Variants in WNT5A observed in about 807,000 individuals in gnomAD.
The protein encoded by WNT5A is protein Wnt-5a.
In WNT5A, 9 loss-of-function variants were observed where a neutral mutation model predicts 42.1. The observed-to-expected ratio is 0.21, with a 90% CI of 0.13 to 0.37. The LOEUF (loss-of-function observed/expected upper bound fraction) is 0.37, where lower values mean the gene tolerates loss of function less well. WNT5A is among the 10% of genes least tolerant of loss of function. WNT5A has a pLI of 1.00. For missense variants in WNT5A, 426 were observed against 534.0 expected, an observed-to-expected ratio of 0.80 and a Z score of 1.99; for synonymous variants, 210 against 210.0, an observed-to-expected ratio of 1.00 and a Z score of 0.00.
At chr3:55,503,548 A>C in the WNT5A span, among the ~76,000 whole-genome samples, 15 of 152,218 alleles carry the variant, frequency 9.9e-5, no homozygotes, top group Admixed American at 9.8e-4. Flanking sequence ...CACAAGGGTG[A>C]AGTTGGCCAG....
At chr3:55,470,619 G>C in intron 4 of WNT5A, 69 bp from the exon 5 acceptor site, 1 of 1,378,212 alleles carries the variant, frequency 7.3e-7, no homozygotes, top group Non-Finnish European at 9.6e-7. Flanking sequence ...TAGGAACAAA[G>C]TTCTCCTCGA....
chr3:55,485,663 G>A (rs1016984544), intron 1 of WNT5A, among the ~76,000 whole-genome samples: 1 of 152,152 alleles, frequency 6.6e-6, no homozygotes, highest in African/African-American at 2.4e-5. Context: ...TGCGAAGGTG[G>A]CTGGGGGGAG....
In WNT5A at chr3:55,470,119, C is replaced by G. The variant is rs762481849; in HGVS notation, c.1116G>C (p.Glu372Asp). The change falls in exon 5 of 5, where the codon GAG (glutamate) becomes GAC (aspartate). Residue 372 changes from glutamate to aspartate, a missense_variant. Coordinates refer to ENST00000264634, the MANE Select transcript of WNT5A (RefSeq NM_003392.7). ...CCYVKCKKCT[E>D]IVDQFVCK ...ACTTGCACACAAACTGGTCCACGAT[C>G]TCCGTGCACTTCTTGCACTTGACGT... The G allele has an allele frequency of 6.2e-7, 1 of 1,614,134 alleles. No individual in the cohort carries two copies. The highest frequency in any genetic ancestry group is 8.5e-7 in the Non-Finnish European group (1 of 1,179,976).
At chr3:55,486,350 G>T (rs893422090) in intron 1 of WNT5A, among the ~76,000 whole-genome samples, 1 of 152,140 alleles carries the variant, frequency 6.6e-6, no homozygotes, top group African/African-American at 2.4e-5. Flanking sequence ...CGCTCCCCGC[G>T]CCGGGGTGCG....
In WNT5A at chr3:55,474,396, C is replaced by G; in HGVS notation, c.625G>C (p.Gly209Arg). ...ARERERIHAKGSYESARILMN... is the reference protein window; with the variant it reads ...ARERERIHAKRSYESARILMN... ...AGGATGCGAGCACTCTCGTAGGAGC[C>G]CTTGGCGTGGATGCGCTCCCGCTCG... Residue 209 changes from glycine to arginine, a missense_variant, in exon 4 of 5, where the codon GGC becomes CGC. Physicochemically the swap from Gly to Arg is moderately radical, Grantham distance 125. This residue lies in a region of WNT5A where 358 missense variants were observed against 468.1 expected (regional missense o/e 0.76). Coordinates refer to ENST00000264634, the MANE Select transcript of WNT5A (RefSeq NM_003392.7). 1 of 1,612,804 alleles carries G rather than the reference C, an allele frequency of 6.2e-7. No homozygotes were observed. Among genetic ancestry groups the G allele is most frequent in the Non-Finnish European group, 8.5e-7 (1 of 1,179,752 alleles).
intron 4 of WNT5A, 90 bp from the exon 5 acceptor site, chr3:55,470,640 G>A (rs1290579490): frequency 1.7e-6 from 2 of 1,210,492 alleles, no homozygotes; most frequent in Non-Finnish European, 2.2e-6. Flanking sequence ...CCTTCTCCAT[G>A]GAGCTATGTT....
the WNT5A span, among the ~76,000 whole-genome samples, chr3:55,500,728 A>G: frequency 3.9e-5 from 6 of 152,248 alleles, no homozygotes; most frequent in Non-Finnish European, 8.8e-5. Context: ...AGCTTCGTGT[A>G]CTATTTAGAT....
At chr3:55,472,288 T>C (rs1234454864) in intron 4 of WNT5A, among the ~76,000 whole-genome samples, 1 of 152,160 alleles carries the variant, frequency 6.6e-6, no homozygotes, top group Non-Finnish European at 1.5e-5. Context: ...CTTGACCCGC[T>C]CTTCTTGGTT....
In WNT5A at chr3:55,467,256, C is replaced by T. The variant is rs143058639; in HGVS notation, c.*2836G>A. On this transcript the variant is annotated 3_prime_UTR_variant, in exon 5 of 5. Coordinates refer to ENST00000264634, the MANE Select transcript of WNT5A (RefSeq NM_003392.7). Reference sequence around the variant, plus strand: ...TAAAAGCATGTGCCTTTTCATTCTTCTCTGGGATGTTACAACAGCAACACG... The same window carrying T: ...TAAAAGCATGTGCCTTTTCATTCTTTTCTGGGATGTTACAACAGCAACACG... 70 of 152,592 alleles carry T rather than the reference C, an allele frequency of 4.6e-4. No homozygotes were observed. Among genetic ancestry groups the T allele is most frequent in the African/African-American group, 1.6e-3 (67 of 41,534 alleles). The allele number at this position is 152,592 out of a possible 1,614,324, so 9.5% of individuals were successfully genotyped here. A position where few individuals can be genotyped will look rare whatever the true frequency, so the allele number is the denominator to read the frequency against.
chr3:55,504,291 A>AAAAG, the WNT5A span, among the ~76,000 whole-genome samples: 21 of 152,108 alleles, frequency 1.4e-4, no homozygotes, highest in African/African-American at 5.1e-4. Flanking sequence ...ATAAAATAAA[A>AAAAG]AAAGAAAGAA....
rs2051314795 is a variant in WNT5A, at chr3:55,474,538, G to A, written c.483C>T (p.Thr161=). Residue 161 remains threonine, a synonymous_variant, in exon 4 of 5, where the codon ACC becomes ACT. Transcript: ENST00000264634. ...SRACREGELS[T]CGCSRAARPK... The stretch of plus-strand genomic sequence containing the variant: ...GGCGCGCGGCGCGGCTGCAGCCGCA[G>A]GTGGACAGCTCGCCCTCGCGGCACG... 1 of 1,555,310 alleles carries A rather than the reference G, an allele frequency of 6.4e-7. No individual in the cohort carries two copies. The highest frequency in any genetic ancestry group is 8.7e-7 in the Non-Finnish European group (1 of 1,152,680).
intron 3 of WNT5A, among the ~76,000 whole-genome samples, chr3:55,474,997 C>G (rs1486589119): frequency 6.6e-6 from 1 of 151,922 alleles, no homozygotes; most frequent in Middle Eastern, 3.4e-3. Flanking sequence ...TAACACGCAC[C>G]AGGCCCTGGG....
intron 1 of WNT5A, among the ~76,000 whole-genome samples, chr3:55,484,088 T>C (rs2051523300): frequency 6.6e-6 from 1 of 151,590 alleles, no homozygotes; most frequent in African/African-American, 2.4e-5. Flanking sequence ...TTTCTGGGAG[T>C]GAAACGATGA....
chr3:55,473,238 A>C (rs1422459738), intron 4 of WNT5A, among the ~76,000 whole-genome samples: 1 of 152,140 alleles, frequency 6.6e-6, no homozygotes, highest in Non-Finnish European at 1.5e-5. Context: ...GTGGGGCCAG[A>C]GTCTTCTAAG....
At chr3:55,504,322 A>T in the WNT5A span, among the ~76,000 whole-genome samples, 1 of 152,076 alleles carries the variant, frequency 6.6e-6, no homozygotes, top group African/African-American at 2.4e-5. Flanking sequence ...GAAATTTTTA[A>T]GACATAGTGC....
At chr3:55,475,856 C>T (rs2051347833) in intron 3 of WNT5A, among the ~76,000 whole-genome samples, 1 of 151,882 alleles carries the variant, frequency 6.6e-6, no homozygotes, top group South Asian at 2.1e-4. Flanking sequence ...CTGCATGTAA[C>T]AAGAGCTAGT....
chr3:55,493,564 A>G (rs2051683631), upstream of WNT5A, among the ~76,000 whole-genome samples: 1 of 101,274 alleles, frequency 9.9e-6, no homozygotes. Context: ...AAGCTCCAGG[A>G]GGGCAAGACC....
At chr3:55,484,606 G>A (rs1176404116) in intron 1 of WNT5A, among the ~76,000 whole-genome samples, 8 of 151,958 alleles carry the variant, frequency 5.3e-5, no homozygotes, top group African/African-American at 1.9e-4. Flanking sequence ...GGCCCCAGGG[G>A]AAGAACGGTC....
the WNT5A span, among the ~76,000 whole-genome samples, chr3:55,499,120 TA>T: frequency 6.6e-6 from 1 of 152,172 alleles, no homozygotes; most frequent in East Asian, 1.9e-4. Context: ...AATGTTTAAG[TA>T]AAAAAGGCAA....
Sources: gnomAD v4.1 joint callset for allele counts (sites outside exome capture counted in the v4.1 genomes callset) on GRCh38, gnomAD v4.1.1 for gene constraint, gnomAD v4.1.1 regional missense constraint, MANE v1.5 for transcripts, NCBI Gene and HGNC (gene_info 2026-07-23, HGNC 2026-07-21) for gene names.